ENTPD1: variants seen among roughly 807,000 people sequenced by gnomAD.
ENTPD1 encodes the protein ectonucleoside triphosphate diphosphohydrolase 1.
In ENTPD1, 33 loss-of-function variants were observed where a neutral mutation model predicts 57.0. The observed-to-expected ratio is 0.58, with a 90% confidence interval of 0.44 to 0.77. The LOEUF (loss-of-function observed/expected upper bound fraction) is 0.77. Ranked by LOEUF, ENTPD1 falls within the 30% of genes least tolerant of loss-of-function variation. The pLI is 0.00. For synonymous variants in ENTPD1, 202 were observed against 218.8 expected, an observed-to-expected ratio of 0.92 and a Z score of 0.68; for missense variants, 501 against 603.4, an observed-to-expected ratio of 0.83 and a Z score of 1.78.
intron 1 of ENTPD1, among the ~76,000 whole-genome samples, chr10:95,760,452 G>T (rs866880030): frequency 3.0e-4 from 46 of 152,294 alleles, no homozygotes; most frequent in African/African-American, 1.1e-3. Flanking sequence ...TTGGAGATTT[G>T]AAGGCAGAAG....
At chr10:95,777,600 C>A (rs1460639861) in intron 1 of ENTPD1, among the ~76,000 whole-genome samples, 1 of 152,220 alleles carries the variant, frequency 6.6e-6, no homozygotes, top group Non-Finnish European at 1.5e-5. Flanking sequence ...AGTTAGGCTA[C>A]ATGGGGGTCA....
chr10:95,790,192 G>A (rs980450987), intron 1 of ENTPD1, among the ~76,000 whole-genome samples: 2 of 152,302 alleles, frequency 1.3e-5, no homozygotes, highest in East Asian at 3.9e-4. Flanking sequence ...CATAGATGGG[G>A]ATCTTGCAAA....
upstream of ENTPD1, chr10:95,755,587 T>C: frequency 9.9e-7 from 1 of 1,006,790 alleles, no homozygotes; most frequent in Non-Finnish European, 1.5e-6. Flanking sequence ...AGCTCCTCTG[T>C]GGTTCCACCC....
At chr10:95,801,603 G>A (rs1264917567) in intron 1 of ENTPD1, among the ~76,000 whole-genome samples, 3 of 151,352 alleles carry the variant, frequency 2.0e-5, no homozygotes, top group Admixed American at 1.3e-4. Context: ...ATTTGCTTTT[G>A]TTGCCCAGGC....
At chr10:95,764,421 G>C (rs927884946) in intron 1 of ENTPD1, among the ~76,000 whole-genome samples, 9 of 152,144 alleles carry the variant, frequency 5.9e-5, no homozygotes, top group African/African-American at 2.2e-4. Flanking sequence ...CAAAATTGCT[G>C]GGTCACTTGT....
rs3181116 is a variant in ENTPD1, at chr10:95,867,900, C to G, written c.*1517C>G. The G allele has an allele frequency of 0.044, 43,680 of 985,372 alleles. 1,009 individuals are homozygous for G. Among genetic ancestry groups the G allele is most frequent in the Non-Finnish European group, 0.047 (39,244 of 829,894 alleles). The allele number at this position is 985,372 out of a possible 1,614,324, so 61.0% of individuals were successfully genotyped here. On this transcript the variant is annotated 3_prime_UTR_variant, in exon 10 of 10. Transcript: ENST00000371205. ...AGGTGAATATAAAAACTTAATAAAG[C>G]TGTGGAAAGGAACTCTTAATCTTCT...
At chr10:95,865,637 T>A (rs908250938) in intron 9 of ENTPD1, among the ~76,000 whole-genome samples, 1 of 152,242 alleles carries the variant, frequency 6.6e-6, no homozygotes, top group African/African-American at 2.4e-5. Context: ...TCTTGCTAAT[T>A]CAAACTTAAA....
At chr10:95,702,015 A>C in the ENTPD1 span, among the ~76,000 whole-genome samples, 1 of 152,060 alleles carries the variant, frequency 6.6e-6, no homozygotes, top group Non-Finnish European at 1.5e-5. Flanking sequence ...GTAAGCAAAC[A>C]AATTACAAAT....
At chr10:95,743,572 A>G (rs955456878) in intron 1 of ENTPD1, among the ~76,000 whole-genome samples, 8 of 152,184 alleles carry the variant, frequency 5.3e-5, no homozygotes, top group African/African-American at 1.9e-4. Flanking sequence ...TTTATTTAAT[A>G]ATTCATTTGT....
In ENTPD1 at chr10:95,860,531, G is replaced by A; in HGVS notation, c.1137G>A (p.Gln379=). Residue 379 remains glutamine (Q), a synonymous_variant, in exon 8 of 10, where the codon CAG becomes CAA. Transcript: ENST00000371205. ...FLNLTSEKVS[Q]EKVTEMMKKF... ...ACTTGACATCAGAGAAAGTCTCTCAGGAAAAGGTGACTGAGATGATGAAAA... is the reference window on the plus strand; with the variant it reads ...ACTTGACATCAGAGAAAGTCTCTCAAGAAAAGGTGACTGAGATGATGAAAA... 1 of 1,613,950 alleles carries A rather than the reference G, an allele frequency of 6.2e-7. No individual in the cohort carries two copies. The highest frequency in any genetic ancestry group is 8.5e-7 in the Non-Finnish European group (1 of 1,179,888).
At chr10:95,780,093 G>A (rs987338336) in intron 1 of ENTPD1, among the ~76,000 whole-genome samples, 2 of 152,082 alleles carry the variant, frequency 1.3e-5, no homozygotes, top group Non-Finnish European at 2.9e-5. Flanking sequence ...TGATGTTGTT[G>A]GAAGGAATTA....
At chr10:95,793,594 A>T (rs2098214574) in intron 1 of ENTPD1, among the ~76,000 whole-genome samples, 1 of 152,202 alleles carries the variant, frequency 6.6e-6, no homozygotes. Flanking sequence ...GCAACTTGTT[A>T]GAAATGCATA....
chr10:95,721,304 C>T (rs559607009), intron 1 of ENTPD1, among the ~76,000 whole-genome samples: 32 of 152,342 alleles, frequency 2.1e-4, no homozygotes, highest in African/African-American at 7.7e-4. Context: ...TCTGATTCTG[C>T]ATCCCAATGA....
At chr10:95,819,567 T>C (rs1429854250) in intron 1 of ENTPD1, among the ~76,000 whole-genome samples, 1 of 152,228 alleles carries the variant, frequency 6.6e-6, no homozygotes, top group Non-Finnish European at 1.5e-5. Context: ...TTGATTCTTA[T>C]AAAAGTCTTG....
chr10:95,710,749 CT>C (rs1234583708), upstream of ENTPD1, among the ~76,000 whole-genome samples: 23 of 152,104 alleles, frequency 1.5e-4, 1 homozygote. Context: ...CATTTCATCC[CT>C]TGGAGACTGT....
At position 95,869,266 on chromosome 10, in the gene ENTPD1, T is replaced by TTG. The variant is rs2098477874; in HGVS notation, c.*2884_*2885dup. On this transcript the variant is annotated 3_prime_UTR_variant, in exon 10 of 10. Coordinates refer to ENST00000371205, the MANE Select transcript of ENTPD1 (RefSeq NM_001776.6). ...CTTTTTTTTTTTTTTTTTTTTTTTT[T>TTG]TGAGAGAGAGTCTCACTCCATTGCC... is the stretch of plus-strand genomic sequence containing the variant. 8 of 658,604 alleles carry TTG rather than the reference T, an allele frequency of 1.2e-5. No homozygotes were observed. The highest frequency in any genetic ancestry group is 7.3e-4 in the Middle Eastern group (1 of 1,374). The allele number at this position is 658,604 out of a possible 1,614,324, so 40.8% of individuals were successfully genotyped here.
At position 95,868,991 on chromosome 10, in the gene ENTPD1, A is replaced by G. The variant is rs1176623549; in HGVS notation, c.*2608A>G. On this transcript the variant is annotated 3_prime_UTR_variant, in exon 10 of 10. Transcript: ENST00000371205. Reference sequence around the variant, plus strand: ...GGAAGGTTGGTTTAGAGGCAGATCCAGCAATCTGCTTTGGGCCACTCTGGG... The same window carrying G: ...GGAAGGTTGGTTTAGAGGCAGATCCGGCAATCTGCTTTGGGCCACTCTGGG... 1.0e-6 allele frequency: 1 copy of G among 985,276 alleles called. No individual in the cohort carries two copies. The highest frequency in any genetic ancestry group is 1.2e-6 in the Non-Finnish European group (1 of 829,938). 61.0% of individuals were successfully genotyped at this position (985,276 alleles called of 1,614,324 possible).
chr10:95,870,297 T>A lies in ENTPD1; in HGVS notation c.*3914T>A, dbSNP rs200487750. On this transcript the variant is annotated 3_prime_UTR_variant, in exon 10 of 10. Transcript: ENST00000371205. The stretch of plus-strand genomic sequence containing the variant: ...TTGAATATTAAAATAAAGATGATTT[T>A]TTTTTTGGAGCTAGTCTTGCTCTGT... The A allele has an allele frequency of 5.1e-6, 5 of 983,828 alleles. No homozygotes were observed. The highest frequency in any genetic ancestry group is 2.3e-4 in the East Asian group (2 of 8,804). 60.9% of individuals were successfully genotyped at this position (983,828 alleles called of 1,614,324 possible).
chr10:95,704,491 C>A, the ENTPD1 span, among the ~76,000 whole-genome samples: 4 of 152,114 alleles, frequency 2.6e-5, no homozygotes, highest in East Asian at 5.8e-4. Context: ...AAAAGACCCA[C>A]ACATATGTAG....
Sources: gnomAD v4.1 joint callset for allele counts (sites outside exome capture counted in the v4.1 genomes callset) on GRCh38, gnomAD v4.1.1 for gene constraint, MANE v1.5 for transcripts, NCBI Gene and HGNC (gene_info 2026-07-23, HGNC 2026-07-21) for gene names.